Variants in ELMO1 observed in about 807,000 individuals in gnomAD.
ELMO1 encodes the protein engulfment and cell motility protein 1.
A neutral mutation model predicts 98.9 loss-of-function variants in ELMO1; 26 were observed. The observed-to-expected ratio is 0.26, with a 90% CI of 0.19 to 0.36. The LOEUF is 0.36. Ranked by LOEUF, ELMO1 falls within the 10% of genes least tolerant of loss-of-function variation. The probability of loss-of-function intolerance (pLI) is 1.00; values close to 1 mark genes in which losing one functional copy is unlikely to be tolerated. For synonymous variants in ELMO1, 346 were observed against 346.0 expected, an observed-to-expected ratio of 1.00 and a Z score of 0.00; for missense variants, 627 against 935.2, an observed-to-expected ratio of 0.67 and a Z score of 4.30.
chr7:37,027,937 T>C (rs957208964), intron 15 of ELMO1, among the ~76,000 whole-genome samples: 2 of 151,910 alleles, frequency 1.3e-5, no homozygotes, highest in African/African-American at 4.8e-5. Context: ...CTGAGTAACA[T>C]GACACTTGGG....
chr7:37,248,422 G>A (rs533061314), intron 6 of ELMO1, among the ~76,000 whole-genome samples: 10 of 152,210 alleles, frequency 6.6e-5, no homozygotes, highest in Non-Finnish European at 1.5e-4. Flanking sequence ...AAGACGCACA[G>A]AGAAAGCAAA....
intron 16 of ELMO1, among the ~76,000 whole-genome samples, chr7:36,953,218 C>T (rs1788141165): frequency 1.3e-5 from 2 of 152,084 alleles, no homozygotes; most frequent in South Asian, 4.1e-4. Flanking sequence ...CCACCCACCT[C>T]AGTCTCCCAA....
intron 4 of ELMO1, among the ~76,000 whole-genome samples, chr7:37,287,273 C>T (rs943410306): frequency 2.6e-5 from 4 of 151,982 alleles, no homozygotes; most frequent in African/African-American, 9.7e-5. Context: ...TTTTTCCAGC[C>T]AGACAGTAAG....
intron 4 of ELMO1, among the ~76,000 whole-genome samples, chr7:37,303,930 C>G (rs1798475079): frequency 6.6e-6 from 1 of 152,184 alleles, no homozygotes; most frequent in African/African-American, 2.4e-5. Context: ...TCAGTGTAAA[C>G]ATTAAATAAC....
At chr7:37,101,844 T>G (rs1303544860) in intron 14 of ELMO1, among the ~76,000 whole-genome samples, 2 of 151,936 alleles carry the variant, frequency 1.3e-5, no homozygotes, top group East Asian at 1.9e-4. Flanking sequence ...ACAAGGTAGG[T>G]TATCACAACC....
chr7:36,955,666 T>C (rs1788385378), intron 16 of ELMO1, among the ~76,000 whole-genome samples: 2 of 152,224 alleles, frequency 1.3e-5, no homozygotes, highest in Admixed American at 1.3e-4. Context: ...CTTTTCCATA[T>C]GTAAGGATCC....
chr7:37,170,241 A>T (rs1037011601), intron 13 of ELMO1, among the ~76,000 whole-genome samples: 7 of 152,144 alleles, frequency 4.6e-5, no homozygotes, highest in African/African-American at 1.7e-4. Context: ...TCCAATTCTA[A>T]ATTTGGGTAG....
chr7:37,434,604 T>A (rs1647789), intron 1 of ELMO1, among the ~76,000 whole-genome samples: 65,309 of 152,028 alleles, frequency 0.43, 14,263 homozygotes, highest in Admixed American at 0.49. Context: ...ATAAATCAGA[T>A]CACGTCACTC....
chr7:37,150,911 CA>C (rs2129318001), intron 13 of ELMO1, among the ~76,000 whole-genome samples: 1 of 152,346 alleles, frequency 6.6e-6, no homozygotes, highest in East Asian at 1.9e-4. Flanking sequence ...TGCAGGAGAA[CA>C]TGAGAAACAG....
intron 14 of ELMO1, among the ~76,000 whole-genome samples, chr7:37,098,180 T>A (rs1230981238): frequency 6.6e-6 from 1 of 152,192 alleles, no homozygotes; most frequent in Non-Finnish European, 1.5e-5. Context: ...CACTGTTTTG[T>A]CACCTCCACA....
intron 8 of ELMO1, among the ~76,000 whole-genome samples, chr7:37,227,786 A>G (rs917923544): frequency 5.3e-5 from 8 of 152,242 alleles, no homozygotes; most frequent in African/African-American, 1.9e-4. Context: ...GGCTTGCTCA[A>G]TGGTGGTAAA....
At chr7:36,948,959 G>A (rs956685239) in intron 16 of ELMO1, among the ~76,000 whole-genome samples, 2 of 152,208 alleles carry the variant, frequency 1.3e-5, no homozygotes, top group African/African-American at 2.4e-5. Context: ...AGGTTCAAGC[G>A]ATTCTCCTGC....
At chr7:37,194,404 T>G (rs1471069977) in intron 13 of ELMO1, among the ~76,000 whole-genome samples, 1 of 152,252 alleles carries the variant, frequency 6.6e-6, no homozygotes, top group Non-Finnish European at 1.5e-5. Flanking sequence ...TACCAAGCCC[T>G]GTGCTCCACA....
Position 36,945,382 on chromosome 7 carries a change from T to A in ELMO1, c.1438-50365A>T, listed in dbSNP as rs542763919. Among the ~76,000 whole-genome samples, 26 of 152,072 alleles carry A rather than the reference T, an allele frequency of 1.7e-4. 1 individual carries two copies. Among genetic ancestry groups the A allele is most frequent in the Non-Finnish European group, 3.4e-4 (23 of 68,002 alleles). On this transcript the variant is annotated intron_variant, in intron 16 of 21. Coordinates refer to ENST00000310758, the MANE Select transcript of ELMO1 (RefSeq NM_014800.11). Reference sequence around the variant, plus strand: ...AAGTCAATGAGCCTAAGGAAAGAAGTTGGAGCAGAAAATAAACATTAGGGA... The same window carrying A: ...AAGTCAATGAGCCTAAGGAAAGAAGATGGAGCAGAAAATAAACATTAGGGA...
chr7:37,111,397 C>T (rs372144090), intron 14 of ELMO1, among the ~76,000 whole-genome samples: 3 of 152,212 alleles, frequency 2.0e-5, no homozygotes, highest in African/African-American at 4.8e-5. Flanking sequence ...CCAGCTGCTG[C>T]ATCACTTTCA....
chr7:37,413,544 C>A (rs1158000414), intron 1 of ELMO1, among the ~76,000 whole-genome samples: 4 of 152,236 alleles, frequency 2.6e-5, no homozygotes, highest in Non-Finnish European at 5.9e-5. Flanking sequence ...ATATTTTTCA[C>A]TTCTCAGAAG....
At position 36,916,226 on chromosome 7, in the gene ELMO1, T is replaced by C. The variant is rs75474003; in HGVS notation, c.1438-21209A>G. On this transcript the variant is annotated intron_variant, in intron 16 of 21. Coordinates refer to ENST00000310758, the MANE Select transcript of ELMO1 (RefSeq NM_014800.11). ...TTAGGTAATTCTTTTGGTGTTAACTTTCCTCTCTCGTCATTTCCAGTCATA... is the reference window on the plus strand; with the variant it reads ...TTAGGTAATTCTTTTGGTGTTAACTCTCCTCTCTCGTCATTTCCAGTCATA... Among the ~76,000 whole-genome samples, 597 of 152,302 alleles carry C rather than the reference T, an allele frequency of 3.9e-3. 9 individuals are homozygous for C. Among genetic ancestry groups the C allele is most frequent in the South Asian group, 0.029 (138 of 4,826 alleles).
chr7:37,142,378 A>C (rs1787697802), intron 13 of ELMO1, among the ~76,000 whole-genome samples: 1 of 152,214 alleles, frequency 6.6e-6, no homozygotes, highest in Non-Finnish European at 1.5e-5. Context: ...TCTGGGTGTT[A>C]GCACTATTTT....
chr7:37,102,650 A>T (rs1454807643), intron 14 of ELMO1, among the ~76,000 whole-genome samples: 1 of 152,266 alleles, frequency 6.6e-6, no homozygotes, highest in Non-Finnish European at 1.5e-5. Flanking sequence ...GGCTTTGTAC[A>T]GATTGTCTCA....
Sources: allele counts gnomAD v4.1 joint callset (sites outside exome capture counted in the v4.1 genomes callset), GRCh38; gene constraint gnomAD v4.1.1; transcripts MANE v1.5; gene names NCBI Gene and HGNC (gene_info 2026-07-23, HGNC 2026-07-21).